The following FZD3 variants were observed in gnomAD, a reference collection of about 807,000 sequenced individuals.
The protein encoded by FZD3 is frizzled-3.
Under a neutral mutation model 60.7 loss-of-function variants are expected in FZD3, and 30 were observed. The ratio of observed to expected loss-of-function variants is 0.49; its 90% CI spans 0.37 to 0.67. The LOEUF is 0.67. Ranked by LOEUF, FZD3 falls within the 30% of genes least tolerant of loss-of-function variation. The pLI, the probability that FZD3 is intolerant of heterozygous loss-of-function variation, is 0.00. For missense variants in FZD3, 605 were observed against 838.7 expected, an observed-to-expected ratio of 0.72 and a Z score of 3.44; for synonymous variants, 246 against 275.2, an observed-to-expected ratio of 0.89 and a Z score of 1.05.
chr8:28,573,755 A>G lies in FZD3; in HGVS notation c.*10744A>G, dbSNP rs992409243. ...TTACTGTTACAATTTTTCAAGAGCT[A>G]TAAAGGTAGAAAAAGTATTCCTTTT... On this transcript the variant is annotated 3_prime_UTR_variant, in exon 8 of 8. Transcript: ENST00000240093. The G allele has an allele frequency of 4.6e-5, 7 of 151,874 alleles. No homozygotes were observed. Among genetic ancestry groups the G allele is most frequent in the African/African-American group, 1.7e-4 (7 of 41,344 alleles). The allele number at this position is 151,874 out of a possible 1,614,324, so 9.4% of individuals were successfully genotyped here. A position where few individuals can be genotyped will look rare whatever the true frequency, so the allele number is the denominator to read the frequency against.
chr8:28,548,565 A>G (rs1185355399), intron 5 of FZD3, among the ~76,000 whole-genome samples: 2 of 152,258 alleles, frequency 1.3e-5, no homozygotes, highest in Non-Finnish European at 2.9e-5. Context: ...TTTATTGAAT[A>G]AACGTATTTT....
At chr8:28,548,052 C>T (rs1390546940) in intron 5 of FZD3, among the ~76,000 whole-genome samples, 1 of 151,912 alleles carries the variant, frequency 6.6e-6, no homozygotes, top group African/African-American at 2.4e-5. Context: ...GGGGTTTCAC[C>T]ATATTGGTCA....
intron 3 of FZD3, among the ~76,000 whole-genome samples, chr8:28,517,892 A>G (rs1804474133): frequency 6.6e-6 from 1 of 152,100 alleles, no homozygotes; most frequent in Non-Finnish European, 1.5e-5. Flanking sequence ...TTTCAGTTAT[A>G]TCACCCTGTC....
chr8:28,502,146 G>C (rs914006095), intron 2 of FZD3, among the ~76,000 whole-genome samples: 1 of 152,126 alleles, frequency 6.6e-6, no homozygotes, highest in Non-Finnish European at 1.5e-5. Flanking sequence ...TAGAAGTTAA[G>C]TGGTATGTTT....
chr8:28,522,476 A>C (rs911102942), intron 4 of FZD3, among the ~76,000 whole-genome samples: 1 of 152,042 alleles, frequency 6.6e-6, no homozygotes, highest in Admixed American at 6.5e-5. Flanking sequence ...CTAACCATTC[A>C]TGTCTTCTGT....
intron 5 of FZD3, among the ~76,000 whole-genome samples, chr8:28,528,785 C>A (rs893960047): frequency 2.6e-5 from 4 of 152,006 alleles, no homozygotes; most frequent in Non-Finnish European, 5.9e-5. Flanking sequence ...GTGACTTGTT[C>A]TTGAGTAGTA....
At chr8:28,557,978 C>G (rs1805543512) in intron 7 of FZD3, among the ~76,000 whole-genome samples, 1 of 152,178 alleles carries the variant, frequency 6.6e-6, no homozygotes, top group Non-Finnish European at 1.5e-5. Flanking sequence ...AGAGATGGCA[C>G]TTCTACATTG....
intron 3 of FZD3, among the ~76,000 whole-genome samples, chr8:28,505,613 A>T (rs1804117951): frequency 6.6e-6 from 1 of 152,158 alleles, no homozygotes; most frequent in African/African-American, 2.4e-5. Context: ...GGGCCTCCCA[A>T]AGTGCTGGAT....
chr8:28,506,513 C>T (rs1445737574), intron 3 of FZD3, among the ~76,000 whole-genome samples: 9 of 152,170 alleles, frequency 5.9e-5, no homozygotes, highest in South Asian at 4.1e-4. Flanking sequence ...GTGTGTGGAA[C>T]GAGCAATCTT....
intron 5 of FZD3, among the ~76,000 whole-genome samples, chr8:28,541,124 GATA>G (rs1805155486): frequency 6.8e-6 from 1 of 146,858 alleles, no homozygotes; most frequent in Non-Finnish European, 1.5e-5. Context: ...TTTATAAGTA[GATA>G]ATAATGTATT....
At chr8:28,517,543 C>T (rs1317119994) in intron 3 of FZD3, among the ~76,000 whole-genome samples, 1 of 151,974 alleles carries the variant, frequency 6.6e-6, no homozygotes, top group Non-Finnish European at 1.5e-5. Flanking sequence ...CTGATCTGTC[C>T]TTTTGAGATT....
At chr8:28,556,649 A>G (rs1805513854) in intron 7 of FZD3, among the ~76,000 whole-genome samples, 1 of 150,958 alleles carries the variant, frequency 6.6e-6, no homozygotes, top group Admixed American at 6.6e-5. Flanking sequence ...TATGAGCCAT[A>G]TGGTCTTCAC....
At chr8:28,547,408 A>G (rs1313935376) in intron 5 of FZD3, among the ~76,000 whole-genome samples, 1 of 152,240 alleles carries the variant, frequency 6.6e-6, no homozygotes, top group Non-Finnish European at 1.5e-5. Context: ...TATCTGTAGC[A>G]TACATTTTTA....
intron 1 of FZD3, among the ~76,000 whole-genome samples, chr8:28,496,515 TAAAA>T (rs959415858): frequency 3.3e-5 from 5 of 152,258 alleles, no homozygotes; most frequent in African/African-American, 1.2e-4. Flanking sequence ...TGCGCAAAAA[TAAAA>T]AGAATGATTT....
chr8:28,561,998 CCA>C (rs1309572081), intron 7 of FZD3, among the ~76,000 whole-genome samples: 1 of 152,114 alleles, frequency 6.6e-6, no homozygotes, highest in Non-Finnish European at 1.5e-5. Flanking sequence ...TTTAACAGCC[CCA>C]CTGCTGCTTT....
At chr8:28,529,637 T>G (rs1804810378) in intron 5 of FZD3, among the ~76,000 whole-genome samples, 1 of 152,162 alleles carries the variant, frequency 6.6e-6, no homozygotes, top group Admixed American at 6.6e-5. Flanking sequence ...TCACTGAGAA[T>G]GCCAATTTCC....
At position 28,528,152 on chromosome 8, in the gene FZD3, A is replaced by G. The variant is rs772289774; in HGVS notation, c.1392A>G (p.Pro464=). ...IQERCREYHI[P]CPYQVTQMSR... ...AACGCTGCAGAGAATATCACATTCC[A>G]TGTCCATATCAGGTAAGGGAAACCT... The change falls in exon 5 of 8, where the codon CCA becomes CCG. Residue 464 remains proline, a synonymous_variant. Transcript: ENST00000240093. 3.1e-5 allele frequency: 50 copies of G among 1,610,488 alleles called. No individual in the cohort carries two copies. In the African/African-American group the frequency reaches 4.1e-4, roughly 13 times the overall value.
chr8:28,523,175 CCA>C (rs1197153168), intron 4 of FZD3, among the ~76,000 whole-genome samples: 2 of 152,128 alleles, frequency 1.3e-5, no homozygotes, highest in Non-Finnish European at 2.9e-5. Context: ...TAACAAAATA[CCA>C]CAGACTGGGT....
intron 1 of FZD3, 82 bp downstream of exon 1, chr8:28,494,425 C>T (rs1783709228): frequency 6.6e-6 from 1 of 152,198 alleles, no homozygotes; most frequent in South Asian, 2.1e-4. Context: ...GGAGGCGCCG[C>T]GCGGCTGCCT....
Sources: allele counts gnomAD v4.1 joint callset (sites outside exome capture counted in the v4.1 genomes callset), GRCh38; gene constraint gnomAD v4.1.1; transcripts MANE v1.5; gene names NCBI Gene and HGNC (gene_info 2026-07-23, HGNC 2026-07-21).